The following PARD3B variants were observed in gnomAD, a reference collection of about 807,000 sequenced individuals.
PARD3B encodes the protein par-3 family cell polarity regulator beta.
A neutral mutation model predicts 130.2 loss-of-function variants in PARD3B; 103 were observed. That is an observed-to-expected ratio of 0.79 (90% CI 0.67 to 0.93). The LOEUF is 0.93. Among genes scored for constraint, PARD3B ranks in the 40% least tolerant of loss-of-function variants. PARD3B has a pLI of 0.00. For synonymous variants in PARD3B, 583 were observed against 553.2 expected, an observed-to-expected ratio of 1.05 and a Z score of -0.76; for missense variants, 1,609 against 1,499.2, an observed-to-expected ratio of 1.07 and a Z score of -1.21.
Position 205,158,077 on chromosome 2 carries a change from GTTATACTACC to G in PARD3B, c.1435-643_1435-634del, listed in dbSNP as rs2034288365. Among the ~76,000 whole-genome samples, 1 of 152,146 alleles carries G rather than the reference GTTATACTACC, an allele frequency of 6.6e-6. No homozygotes were observed. The highest frequency in any genetic ancestry group is 6.5e-5 in the Admixed American group (1 of 15,278). ...AGGTTTAAAAATTTAATGGCAGTGA[GTTATACTACC>G]TGAAGATGCAGGCTGAAAGCATGAG... On this transcript the variant is annotated intron_variant, in intron 10 of 22. Coordinates refer to ENST00000406610, the MANE Select transcript of PARD3B (RefSeq NM_001302769.2). The surrounding 1 kb of genome is among the most constrained non-coding windows in gnomAD (Gnocchi z 5.4).
intron 4 of PARD3B, among the ~76,000 whole-genome samples, chr2:205,080,000 GC>G (rs1261761272): frequency 1.3e-5 from 2 of 152,070 alleles, no homozygotes; most frequent in Non-Finnish European, 2.9e-5. Context: ...CTTGCTGAGA[GC>G]CTTTTATCTG....
At chr2:204,701,299 C>G (rs1251623504) in intron 2 of PARD3B, among the ~76,000 whole-genome samples, 1 of 152,014 alleles carries the variant, frequency 6.6e-6, no homozygotes, top group Non-Finnish European at 1.5e-5. Flanking sequence ...GTGTAAAAAT[C>G]CTGGGATATT....
intron 10 of PARD3B, among the ~76,000 whole-genome samples, chr2:205,131,631 A>C (rs2032005516): frequency 6.6e-6 from 1 of 152,194 alleles, no homozygotes; most frequent in South Asian, 2.1e-4. Context: ...AACCAAGAAA[A>C]CCTTCAAGAA....
chr2:204,937,411 C>T (rs1246659755), intron 2 of PARD3B, among the ~76,000 whole-genome samples: 1 of 152,142 alleles, frequency 6.6e-6, no homozygotes, highest in African/African-American at 2.4e-5. Flanking sequence ...ATGTGCGTTT[C>T]CCTTCTCTTG....
chr2:204,964,071 G>C lies in PARD3B; in HGVS notation c.223-1081G>C, dbSNP rs775336076. On this transcript the variant is annotated intron_variant, in intron 2 of 22. Transcript: ENST00000406610. ...GGTTCCCCTATGACTGGGGCTCTGA[G>C]TGTCTTTCCTGAATAAATGCTTGAA... is the stretch of plus-strand genomic sequence containing the variant. Among the ~76,000 whole-genome samples, 3 of 152,350 alleles carry C rather than the reference G, an allele frequency of 2.0e-5. No homozygotes were observed. The East Asian group carries it at 5.8e-4, about 29-fold the overall frequency.
Position 205,125,794 on chromosome 2 carries a change from T to C in PARD3B, c.1434+57T>C. The C allele has an allele frequency of 1.9e-6, 3 of 1,594,202 alleles. No homozygotes were observed. In the South Asian group the frequency reaches 3.4e-5, roughly 18 times the overall value. ...TTAATGCCGAGCTTAATACACTCAATGAACTCATTATAGCTGAGAAACGAG... is the reference window on the plus strand; with the variant it reads ...TTAATGCCGAGCTTAATACACTCAACGAACTCATTATAGCTGAGAAACGAG... On this transcript the variant is annotated intron_variant, in intron 10 of 22. Coordinates refer to ENST00000406610, the MANE Select transcript of PARD3B (RefSeq NM_001302769.2). This position sits in a 1 kb window ranked among gnomAD's most constrained non-coding sequence, Gnocchi z 4.0.
At chr2:204,621,006 C>T (rs935695175) in intron 1 of PARD3B, among the ~76,000 whole-genome samples, 3 of 152,104 alleles carry the variant, frequency 2.0e-5, no homozygotes, top group South Asian at 2.1e-4. Flanking sequence ...GTAAAGAATA[C>T]GCTAGTGTCC....
At chr2:205,220,172 G>A (rs1323819652) in intron 15 of PARD3B, among the ~76,000 whole-genome samples, 2 of 152,074 alleles carry the variant, frequency 1.3e-5, no homozygotes, top group African/African-American at 4.8e-5. Flanking sequence ...ACACAAATCT[G>A]ATCATGTCAC....
At chr2:204,862,411 A>C (rs1291109297) in intron 2 of PARD3B, among the ~76,000 whole-genome samples, 1 of 152,178 alleles carries the variant, frequency 6.6e-6, no homozygotes, top group Non-Finnish European at 1.5e-5. Context: ...GGCATAATTT[A>C]TTAAAAGGAG....
At chr2:204,977,684 C>T (rs965409088) in intron 3 of PARD3B, among the ~76,000 whole-genome samples, 55 of 151,806 alleles carry the variant, frequency 3.6e-4, no homozygotes, top group African/African-American at 1.3e-3. Flanking sequence ...TGGTGGCGGG[C>T]GCCTGTAGTC....
At position 205,463,616 on chromosome 2, in the gene PARD3B, A is replaced by G. The variant is rs985569887; in HGVS notation, c.3044+22944A>G. ...CCAACTGATAATGTGCAAAATTAAG[A>G]TTTCGTAAGTGGCATTTTAAATGAA... On this transcript the variant is annotated intron_variant, in intron 20 of 22. Transcript: ENST00000406610. This position sits in a 1 kb window ranked among gnomAD's most constrained non-coding sequence, Gnocchi z 4.8. Among the ~76,000 whole-genome samples the G allele has an allele frequency of 6.6e-6, 1 of 152,200 alleles. No homozygotes were observed. Among genetic ancestry groups the G allele is most frequent in the African/African-American group, 2.4e-5 (1 of 41,440 alleles).
chr2:204,733,982 A>T (rs190695610), intron 2 of PARD3B, among the ~76,000 whole-genome samples: 222 of 152,274 alleles, frequency 1.5e-3, no homozygotes, highest in African/African-American at 5.1e-3. Context: ...AAAATGATAA[A>T]TTGTCAAGCC....
intron 14 of PARD3B, among the ~76,000 whole-genome samples, chr2:205,186,649 C>G (rs540319276): frequency 6.0e-4 from 91 of 152,272 alleles, no homozygotes; most frequent in African/African-American, 2.0e-3. Context: ...AATAAAGCAG[C>G]ATGCCTTAGA....
intron 20 of PARD3B, among the ~76,000 whole-genome samples, chr2:205,496,657 C>A (rs1159237727): frequency 1.3e-5 from 2 of 152,034 alleles, no homozygotes; most frequent in Non-Finnish European, 2.9e-5. Flanking sequence ...TGCCCCATTC[C>A]CTTATTTGAG....
intron 22 of PARD3B, among the ~76,000 whole-genome samples, chr2:205,588,713 A>G (rs2054282643): frequency 6.6e-6 from 1 of 152,250 alleles, no homozygotes; most frequent in Non-Finnish European, 1.5e-5. Context: ...TTTATTGTAT[A>G]TACATTATAC....
intron 2 of PARD3B, among the ~76,000 whole-genome samples, chr2:204,764,244 A>G (rs1026572287): frequency 6.6e-6 from 1 of 152,172 alleles, no homozygotes; most frequent in Non-Finnish European, 1.5e-5. Context: ...GCTCCACCGC[A>G]TCCTTCTAGT....
At chr2:205,465,796 G>C (rs1324756688) in intron 20 of PARD3B, among the ~76,000 whole-genome samples, 1 of 152,218 alleles carries the variant, frequency 6.6e-6, no homozygotes, top group East Asian at 1.9e-4. Flanking sequence ...CCTGTTTGCA[G>C]ATGCCAGAAG....
chr2:204,681,083 A>G (rs1225884357), intron 1 of PARD3B, among the ~76,000 whole-genome samples: 1 of 152,160 alleles, frequency 6.6e-6, no homozygotes, highest in Non-Finnish European at 1.5e-5. Context: ...TTTTGACAGT[A>G]TATGTATTAA....
intron 2 of PARD3B, among the ~76,000 whole-genome samples, chr2:204,861,162 T>TTCTCTCTCTCTCTCTCTC (rs60740602): frequency 3.3e-5 from 3 of 91,364 alleles, no homozygotes; most frequent in Non-Finnish European, 4.9e-5. Context: ...CCTAATACCT[T>TTCTCTCTCTCTCTCTCTC]TCTCTCTCTC....
Sources: allele counts gnomAD v4.1 joint callset (sites outside exome capture counted in the v4.1 genomes callset), GRCh38; gene constraint gnomAD v4.1.1; non-coding constraint Gnocchi (gnomAD v3.1); transcripts MANE v1.5; gene names NCBI Gene and HGNC (gene_info 2026-07-23, HGNC 2026-07-21).